Variants in PDE11A observed in about 807,000 individuals in gnomAD.
The protein encoded by PDE11A is dual 3',5'-cyclic-AMP and -GMP phosphodiesterase 11A.
Under a neutral mutation model 100.5 loss-of-function variants are expected in PDE11A, and 100 were observed. The observed-to-expected ratio is 1.00, with a 90% CI of 0.85 to 1.18. The LOEUF (loss-of-function observed/expected upper bound fraction) is 1.18. Ranked by LOEUF, PDE11A falls within the 50% of genes most tolerant of loss-of-function variation. The pLI is 0.00. For missense variants in PDE11A, 1,141 were observed against 1,152.6 expected (o/e 0.99, Z 0.15); for synonymous variants, 381 against 420.8 (o/e 0.91, Z 1.16).
At chr2:177,671,142 T>C (rs3770007) in intron 17 of PDE11A, among the ~76,000 whole-genome samples, 31,064 of 152,090 alleles carry the variant, frequency 0.2, 4,440 homozygotes, top group African/African-American at 0.4. Context: ...TTAAAGAATG[T>C]AAATGTGCAC....
rs140701517 is a variant in PDE11A at position 177,736,341 on chromosome 2, G to A, written c.1789-8169C>T. On this transcript the variant is annotated intron_variant, in intron 10 of 19. Transcript: ENST00000286063. ...AGCCTGGACAACATGGTGAAACTCC[G>A]TCTCTATTAAAAATACAAAAATTAA... 2.7e-3 allele frequency among the ~76,000 whole-genome samples: 407 copies of A among 152,026 alleles called. 1 individual carries two copies. The highest frequency in any genetic ancestry group is 9.3e-3 in the African/African-American group (384 of 41,482).
intron 2 of PDE11A, among the ~76,000 whole-genome samples, chr2:177,999,614 T>C (rs2105816801): frequency 6.6e-6 from 1 of 152,292 alleles, no homozygotes; most frequent in South Asian, 2.1e-4. Flanking sequence ...TATTAAACAT[T>C]GGGTGGCACC....
intron 1 of PDE11A, among the ~76,000 whole-genome samples, chr2:178,059,335 C>T (rs2086938621): frequency 6.6e-6 from 1 of 152,002 alleles, no homozygotes. Flanking sequence ...TGTCCCCACC[C>T]CAGGCCGGCA....
intron 2 of PDE11A, among the ~76,000 whole-genome samples, chr2:177,914,066 C>T (rs114792635): frequency 0.011 from 1,700 of 152,144 alleles, 32 homozygotes; most frequent in African/African-American, 0.039. Context: ...CTTGTCTATC[C>T]GACAGATAAA....
intron 6 of PDE11A, among the ~76,000 whole-genome samples, chr2:177,839,748 G>A (rs1029422408): frequency 6.6e-6 from 1 of 152,110 alleles, no homozygotes; most frequent in Non-Finnish European, 1.5e-5. Context: ...TATATATAGA[G>A]AGTACACATA....
chr2:177,827,391 A>C (rs562829534), intron 6 of PDE11A, among the ~76,000 whole-genome samples: 1 of 152,350 alleles, frequency 6.6e-6, no homozygotes, highest in African/African-American at 2.4e-5. Context: ...ATGGACCACC[A>C]AATCCATCCA....
At chr2:177,847,861 T>C (rs1574210103) in intron 5 of PDE11A, among the ~76,000 whole-genome samples, 1 of 152,278 alleles carries the variant, frequency 6.6e-6, no homozygotes, top group East Asian at 1.9e-4. Flanking sequence ...TCTGTAGACA[T>C]AGAGGGCAGG....
chr2:178,063,677 A>G (rs141481887), intron 1 of PDE11A, among the ~76,000 whole-genome samples: 1 of 152,254 alleles, frequency 6.6e-6, no homozygotes, highest in Non-Finnish European at 1.5e-5. Context: ...GGCAAGGAGA[A>G]TATTGTCTGG....
At position 177,980,462 on chromosome 2, in the gene PDE11A, G is replaced by A. The variant is rs186346272; in HGVS notation, c.1071+33840C>T. On this transcript the variant is annotated intron_variant, in intron 2 of 19. Coordinates refer to ENST00000286063, the MANE Select transcript of PDE11A (RefSeq NM_016953.4). ...TAGACATAAGTATTAGTAAAAATAC[G>A]GCACTTACTTTGACCTTTGGAAGAC... Among the ~76,000 whole-genome samples, 16 of 150,720 alleles carry A rather than the reference G, an allele frequency of 1.1e-4. No individual in the cohort carries two copies. The East Asian group carries it at 2.7e-3, about 25-fold the overall frequency.
intron 2 of PDE11A, chr2:177,997,395 T>C: frequency 1.2e-6 from 1 of 825,074 alleles, no homozygotes; most frequent in Admixed American, 1.7e-5. Flanking sequence ...GTATATTCAC[T>C]GGCTCTCTTT....
At chr2:177,946,000 G>A (rs1238861628) in intron 2 of PDE11A, among the ~76,000 whole-genome samples, 1 of 150,094 alleles carries the variant, frequency 6.7e-6, no homozygotes, top group African/African-American at 2.5e-5. Flanking sequence ...CCAGGAGGGA[G>A]ATGGGGGGTC....
At position 178,096,639 on chromosome 2, in the gene PDE11A, G is replaced by T. The variant is rs369205230; in HGVS notation, c.162+7663C>A. On this transcript the variant is annotated intron_variant, in intron 2 of 20. Coordinates refer to the PDE11A transcript ENST00000358450. ...ATCTCTAGGACAGGGGCAAAATGCC[G>T]CCAGTCTCTTTGCTAACGCATAGCA... Among the ~76,000 whole-genome samples, 3 of 152,292 alleles carry T rather than the reference G, an allele frequency of 2.0e-5. No individual in the cohort carries two copies. The South Asian group carries it at 6.2e-4, about 32-fold the overall frequency.
intron 16 of PDE11A, among the ~76,000 whole-genome samples, chr2:177,676,519 T>C (rs1036194241): frequency 6.6e-6 from 1 of 152,120 alleles, no homozygotes; most frequent in Non-Finnish European, 1.5e-5. Flanking sequence ...CAGAGCATGC[T>C]TAGATGGCAG....
At chr2:177,919,498 A>G (rs754075667) in intron 2 of PDE11A, among the ~76,000 whole-genome samples, 3 of 152,156 alleles carry the variant, frequency 2.0e-5, no homozygotes, top group Non-Finnish European at 4.4e-5. Context: ...GAATAAACTG[A>G]TTGTTCAATG....
intron 4 of PDE11A, among the ~76,000 whole-genome samples, chr2:177,893,864 C>T (rs141637573): frequency 3.4e-4 from 51 of 152,124 alleles, no homozygotes; most frequent in African/African-American, 1.2e-3. Flanking sequence ...TATGGATTCC[C>T]TTATTATTAT....
chr2:177,920,844 C>T (rs1439102374), intron 2 of PDE11A, among the ~76,000 whole-genome samples: 7 of 152,066 alleles, frequency 4.6e-5, no homozygotes, highest in Non-Finnish European at 7.4e-5. Flanking sequence ...AGGCGAAGCA[C>T]GAGGTCAGGA....
At chr2:178,000,943 T>A (rs1160730732) in intron 2 of PDE11A, among the ~76,000 whole-genome samples, 1 of 152,198 alleles carries the variant, frequency 6.6e-6, no homozygotes, top group East Asian at 1.9e-4. Context: ...AGGAAACTAA[T>A]GAACATCCAC....
chr2:177,704,213 C>T (rs1178823439), intron 13 of PDE11A, among the ~76,000 whole-genome samples: 1 of 152,174 alleles, frequency 6.6e-6, no homozygotes, highest in Non-Finnish European at 1.5e-5. Flanking sequence ...CTTCAGGAAG[C>T]TCACAATCCC....
intron 10 of PDE11A, among the ~76,000 whole-genome samples, chr2:177,754,506 G>T (rs1261461895): frequency 1.3e-5 from 2 of 152,186 alleles, no homozygotes; most frequent in Non-Finnish European, 2.9e-5. Context: ...TAAAGCCCAA[G>T]CTTGTTTATT....
Sources: allele counts gnomAD v4.1 joint callset (sites outside exome capture counted in the v4.1 genomes callset), GRCh38; gene constraint gnomAD v4.1.1; transcripts MANE v1.5; gene names NCBI Gene and HGNC (gene_info 2026-07-23, HGNC 2026-07-21).